Variants in SAMMSON observed in about 807,000 individuals in gnomAD.
The protein encoded by SAMMSON is survival associated mitochondrial melanoma specific oncogenic non-coding RNA.
intron 6 of SAMMSON, among the ~76,000 whole-genome samples, chr3:70,285,678 T>G (rs1021517263): frequency 5.3e-5 from 8 of 150,252 alleles, no homozygotes; most frequent in East Asian, 2.0e-4. Context: ...CCACCAACAG[T>G]GTAAAAGTGT....
chr3:70,161,014 G>C (rs1295368153), intron 4 of SAMMSON, among the ~76,000 whole-genome samples: 1 of 151,888 alleles, frequency 6.6e-6, no homozygotes, highest in East Asian at 1.9e-4. Flanking sequence ...TTTGTATGTT[G>C]ATCTTGTATC....
At chr3:70,261,305 T>C (rs1395045453) in intron 6 of SAMMSON, among the ~76,000 whole-genome samples, 41 of 152,178 alleles carry the variant, frequency 2.7e-4, no homozygotes, top group Admixed American at 2.7e-3. Flanking sequence ...TTTCTCCTTA[T>C]TGCTCTCTTG....
chr3:70,268,767 C>G (rs970459011), intron 6 of SAMMSON, among the ~76,000 whole-genome samples: 2 of 152,118 alleles, frequency 1.3e-5, no homozygotes, highest in East Asian at 3.9e-4. Context: ...GAAGTATCTA[C>G]TTTATATCTG....
chr3:70,166,699 TG>T (rs1373714238), intron 4 of SAMMSON, among the ~76,000 whole-genome samples: 1 of 151,970 alleles, frequency 6.6e-6, no homozygotes, highest in Non-Finnish European at 1.5e-5. Context: ...TGAATACCAA[TG>T]CTGAGTCCAT....
At chr3:70,324,161 A>C (rs955239019) in intron 7 of SAMMSON, among the ~76,000 whole-genome samples, 2 of 133,606 alleles carry the variant, frequency 1.5e-5, no homozygotes, top group African/African-American at 5.5e-5. Flanking sequence ...CTCTCTATCT[A>C]TCTATCTATC....
At chr3:70,025,437 T>G (rs746778202) in intron 3 of SAMMSON, among the ~76,000 whole-genome samples, 2 of 152,068 alleles carry the variant, frequency 1.3e-5, no homozygotes, top group Non-Finnish European at 2.9e-5. Flanking sequence ...GAGAAGGGGT[T>G]TCACCATGCT....
chr3:70,090,474 A>G (rs541008738), intron 4 of SAMMSON, among the ~76,000 whole-genome samples: 40 of 152,310 alleles, frequency 2.6e-4, no homozygotes, highest in African/African-American at 9.4e-4. Context: ...ATATAGTTTG[A>G]ATTAATTTAT....
At chr3:70,270,295 A>G (rs1310223861) in intron 6 of SAMMSON, among the ~76,000 whole-genome samples, 1 of 152,242 alleles carries the variant, frequency 6.6e-6, no homozygotes, top group African/African-American at 2.4e-5. Context: ...AATATTTCAA[A>G]GCATGGGAAA....
rs1702810699 is a variant in SAMMSON at position 70,353,730 on chromosome 3, A to G, written n.740-445A>G. ...TGGAATTCTTGGGCATTTATCCCAG[A>G]GAAATAAAAACTTATGTTCACACAA... On this transcript the variant is annotated intron_variant and non_coding_transcript_variant, in intron 7 of 9. Coordinates refer to ENST00000642114, the Ensembl canonical transcript of SAMMSON. 2.6e-5 allele frequency among the ~76,000 whole-genome samples: 4 copies of G among 152,208 alleles called. No homozygotes were observed. In the South Asian group the frequency reaches 8.3e-4, roughly 31 times the overall value.
At chr3:70,419,157 T>A (rs1362471161) in intron 2 of SAMMSON, among the ~76,000 whole-genome samples, 1 of 152,060 alleles carries the variant, frequency 6.6e-6, no homozygotes, top group East Asian at 1.9e-4. Context: ...CCTGAGTAAC[T>A]GGGACTACAG....
At chr3:70,236,634 C>A (rs1166892242) in intron 4 of SAMMSON, among the ~76,000 whole-genome samples, 1 of 152,130 alleles carries the variant, frequency 6.6e-6, no homozygotes, top group Non-Finnish European at 1.5e-5. Context: ...CTCACTCTGT[C>A]ACCCAGGCTG....
At chr3:70,141,178 G>A (rs2106680857) in intron 4 of SAMMSON, among the ~76,000 whole-genome samples, 1 of 152,214 alleles carries the variant, frequency 6.6e-6, no homozygotes, top group Middle Eastern at 3.4e-3. Context: ...ATTCTCCAGA[G>A]AAAAAGAACT....
chr3:70,367,129 T>C (rs1023611616), intron 9 of SAMMSON, among the ~76,000 whole-genome samples: 5 of 151,630 alleles, frequency 3.3e-5, no homozygotes, highest in African/African-American at 1.2e-4. Flanking sequence ...TTGAGATATC[T>C]TTCCATCACC....
intron 3 of SAMMSON, among the ~76,000 whole-genome samples, chr3:70,066,018 T>C (rs2067209512): frequency 6.6e-6 from 1 of 152,132 alleles, no homozygotes; most frequent in Admixed American, 6.6e-5. Flanking sequence ...TAACCAAAAT[T>C]GATCAATTAC....
chr3:70,107,872 A>AT (rs2067373305), intron 4 of SAMMSON, among the ~76,000 whole-genome samples: 1 of 152,160 alleles, frequency 6.6e-6, no homozygotes, highest in Admixed American at 6.5e-5. Context: ...AATTGAAGAC[A>AT]TCCTGCAATG....
Position 70,064,364 on chromosome 3 carries a change from G to A in SAMMSON, n.418-7112G>A, listed in dbSNP as rs558280312. On this transcript the variant is annotated intron_variant and non_coding_transcript_variant, in intron 3 of 9. Coordinates refer to ENST00000642114, the Ensembl canonical transcript of SAMMSON. The stretch of plus-strand genomic sequence containing the variant: ...TTTAATTAAGCACTTGTAGTTAAGC[G>A]TTTGGCCAGAAGATGGTGCAGTGTT... Among the ~76,000 whole-genome samples, 69 of 152,216 alleles carry A rather than the reference G, an allele frequency of 4.5e-4. 1 individual carries two copies. The highest frequency in any genetic ancestry group is 4.7e-4 in the Non-Finnish European group (32 of 67,984).
intron 3 of SAMMSON, among the ~76,000 whole-genome samples, chr3:70,042,239 A>G (rs1309220823): frequency 6.6e-6 from 1 of 152,118 alleles, no homozygotes; most frequent in Non-Finnish European, 1.5e-5. Context: ...GGATCTCACT[A>G]GAAAGCCTGT....
intron 4 of SAMMSON, among the ~76,000 whole-genome samples, chr3:70,181,011 G>T (rs961813895): frequency 6.6e-6 from 1 of 152,156 alleles, no homozygotes; most frequent in Non-Finnish European, 1.5e-5. Context: ...GGCCTTGCAC[G>T]GGGTCAGATC....
chr3:70,266,314 C>G (rs560292098), intron 6 of SAMMSON, among the ~76,000 whole-genome samples: 1 of 152,204 alleles, frequency 6.6e-6, no homozygotes, highest in East Asian at 1.9e-4. Flanking sequence ...TATAGCTCAA[C>G]ACTGTTTTGA....
Sources: gnomAD v4.1 joint callset for allele counts (sites outside exome capture counted in the v4.1 genomes callset) on GRCh38, gnomAD v4.1.1 for gene constraint, MANE v1.5 for transcripts, NCBI Gene and HGNC (gene_info 2026-07-23, HGNC 2026-07-21) for gene names.